ACACA: variants seen among roughly 807,000 people sequenced by gnomAD.
ACACA encodes acetyl-CoA carboxylase 1.
Under a neutral mutation model 296.1 loss-of-function variants are expected in ACACA, and 103 were observed. The ratio of observed to expected loss-of-function variants is 0.35; its 90% CI spans 0.30 to 0.41. ACACA has a LOEUF of 0.41. Among genes scored for constraint, ACACA ranks in the 10% least tolerant of loss-of-function variants. The pLI is 1.00. For missense variants in ACACA, 1,554 were observed against 2,989.7 expected (o/e 0.52, Z 11.20); for synonymous variants, 953 against 1,038.6 (o/e 0.92, Z 1.58).
chr17:37,291,929 T>C (rs1320272454), intron 3 of ACACA, among the ~76,000 whole-genome samples: 1 of 152,150 alleles, frequency 6.6e-6, no homozygotes, highest in Non-Finnish European at 1.5e-5. Context: ...ATTTTTTTTT[T>C]CATTGAAACT....
At chr17:37,400,740 C>CTGTG (rs71135716) in intron 1 of ACACA, among the ~76,000 whole-genome samples, 34,185 of 147,470 alleles carry the variant, frequency 0.23, 3,868 homozygotes, top group Middle Eastern at 0.33. Flanking sequence ...GTGTGTGTGT[C>CTGTG]TGTGTGTGTG....
In ACACA at chr17:37,113,707, A is replaced by ATT. The variant is rs1217579939; in HGVS notation, c.6275-443_6275-442insAA. Among the ~76,000 whole-genome samples, 1 of 152,216 alleles carries ATT rather than the reference A, an allele frequency of 6.6e-6. No individual in the cohort carries two copies. Among genetic ancestry groups the ATT allele is most frequent in the Non-Finnish European group, 1.5e-5 (1 of 68,040 alleles). ...ATGCTTAGCATAGGATGAGCTCTTC[A>ATT]AATGTGCACCTAATGGAAATTGATC... On this transcript the variant is annotated intron_variant, in intron 50 of 55. Transcript: ENST00000616317. This position sits in a 1 kb window ranked among gnomAD's most constrained non-coding sequence, Gnocchi z 4.0.
In ACACA at chr17:37,086,880, C is replaced by T. The variant is rs1256445205; in HGVS notation, c.*436G>A. On this transcript the variant is annotated 3_prime_UTR_variant, in exon 56 of 56. Coordinates refer to ENST00000616317, the MANE Select transcript of ACACA (RefSeq NM_198834.3). ...GCTTCCTCCTCTCCTTAGCCCTCCT[C>T]TGCTGCCTGTGGCTGCGGCTCATGG... 3.6e-6 allele frequency: 1 copy of T among 276,142 alleles called. No homozygotes were observed. The highest frequency in any genetic ancestry group is 7.1e-6 in the Non-Finnish European group (1 of 140,396). The allele number at this position is 276,142 out of a possible 1,614,324, so 17.1% of individuals were successfully genotyped here.
Position 37,123,442 on chromosome 17 carries a change from G to A in ACACA, c.6042-815C>T, listed in dbSNP as rs146224970. ...CATAAAGATTTTCTAGGAAAAATCAGAGAGCAAGACAAAGTACAGGGTGAG... is the reference window on the plus strand; with the variant it reads ...CATAAAGATTTTCTAGGAAAAATCAAAGAGCAAGACAAAGTACAGGGTGAG... On this transcript the variant is annotated intron_variant, in intron 48 of 55. Coordinates refer to ENST00000616317, the MANE Select transcript of ACACA (RefSeq NM_198834.3). 3.5e-3 allele frequency among the ~76,000 whole-genome samples: 540 copies of A among 152,300 alleles called. 3 individuals are homozygous for A. The highest frequency in any genetic ancestry group is 0.012 in the African/African-American group (510 of 41,556).
intron 3 of ACACA, among the ~76,000 whole-genome samples, chr17:37,319,596 G>A (rs1255774324): frequency 6.6e-6 from 1 of 152,066 alleles, no homozygotes; most frequent in Non-Finnish European, 1.5e-5. Context: ...GTCAAAGTGG[G>A]AGGACCACTT....
At chr17:37,305,879 C>T (rs968010500) in intron 3 of ACACA, among the ~76,000 whole-genome samples, 5 of 147,648 alleles carry the variant, frequency 3.4e-5, no homozygotes, top group African/African-American at 9.8e-5. Flanking sequence ...TACTGTTTTA[C>T]GGAATTTTAG....
intron 2 of ACACA, among the ~76,000 whole-genome samples, chr17:37,333,797 C>G (rs1280232674): frequency 2.0e-5 from 3 of 148,644 alleles, no homozygotes; most frequent in African/African-American, 7.5e-5. Flanking sequence ...AGGCCACTAC[C>G]CAAGAGAAGA....
intron 29 of ACACA, among the ~76,000 whole-genome samples, chr17:37,212,077 G>C (rs563597539): frequency 1.8e-4 from 27 of 152,210 alleles, no homozygotes; most frequent in Non-Finnish European, 3.1e-4. Context: ...AAAGAAAGGG[G>C]CCGCCTGCAC....
At chr17:37,345,325 T>C (rs1180394226) in intron 1 of ACACA, 1 of 152,310 alleles carries the variant, frequency 6.6e-6, no homozygotes, top group African/African-American at 2.4e-5. Context: ...GTGCTGGGAT[T>C]ATAGGTGTGA....
At chr17:37,128,043 A>AAAC (rs1383056293) in intron 47 of ACACA, among the ~76,000 whole-genome samples, 1 of 149,098 alleles carries the variant, frequency 6.7e-6, no homozygotes, top group South Asian at 2.1e-4. Context: ...AAAAAAAAAA[A>AAAC]AAAAAAAAAA....
intron 24 of ACACA, among the ~76,000 whole-genome samples, chr17:37,239,941 T>C (rs984336607): frequency 1.3e-5 from 2 of 152,236 alleles, no homozygotes; most frequent in Non-Finnish European, 2.9e-5. Flanking sequence ...TAAACAGCTT[T>C]AAAATTTTAG....
intron 45 of ACACA, among the ~76,000 whole-genome samples, chr17:37,139,987 A>G (rs949778268): frequency 6.6e-6 from 1 of 152,230 alleles, no homozygotes; most frequent in African/African-American, 2.4e-5. Context: ...CTGTCTTTAA[A>G]GAGTGATCAG....
At chr17:37,162,951 G>C (rs1012901657) in intron 41 of ACACA, 2 of 153,810 alleles carry the variant, frequency 1.3e-5, no homozygotes, top group Admixed American at 6.6e-5. Context: ...GTGAGACATG[G>C]GCACCTGGCA....
chr17:37,235,808 G>A (rs2080083782), intron 24 of ACACA, among the ~76,000 whole-genome samples: 1 of 152,126 alleles, frequency 6.6e-6, no homozygotes, highest in Non-Finnish European at 1.5e-5. Context: ...GGTCTGTAGG[G>A]AGACTAAAGT....
At chr17:37,212,966 C>T (rs557783915) in intron 29 of ACACA, among the ~76,000 whole-genome samples, 1 of 150,742 alleles carries the variant, frequency 6.6e-6, no homozygotes, top group Non-Finnish European at 1.5e-5. Context: ...TCAAATATTC[C>T]ATTTATGTAG....
intron 2 of ACACA, among the ~76,000 whole-genome samples, chr17:37,337,586 T>C (rs937141350): frequency 2.0e-5 from 3 of 151,970 alleles, no homozygotes; most frequent in East Asian, 2.0e-4. Flanking sequence ...CCAAAATAGC[T>C]GGGACTACAG....
At chr17:37,160,513 A>T (rs921568471) in intron 42 of ACACA, among the ~76,000 whole-genome samples, 1 of 152,084 alleles carries the variant, frequency 6.6e-6, no homozygotes, top group African/African-American at 2.4e-5. Flanking sequence ...TTGAGGGGAG[A>T]GATGTGAAAC....
intron 45 of ACACA, among the ~76,000 whole-genome samples, chr17:37,148,432 T>C (rs1337891543): frequency 1.3e-5 from 2 of 152,182 alleles, no homozygotes; most frequent in South Asian, 2.1e-4. Context: ...AGAGTTCATA[T>C]GAATGCACAG....
intron 52 of ACACA, among the ~76,000 whole-genome samples, chr17:37,107,749 A>G (rs1331220999): frequency 1.3e-5 from 2 of 152,232 alleles, no homozygotes; most frequent in African/African-American, 4.8e-5. Flanking sequence ...ATTTTGAGAG[A>G]GAGGGACAGT....
Sources: gnomAD v4.1 joint callset for allele counts (sites outside exome capture counted in the v4.1 genomes callset) on GRCh38, gnomAD v4.1.1 for gene constraint, Gnocchi (gnomAD v3.1) non-coding constraint, MANE v1.5 for transcripts, NCBI Gene and HGNC (gene_info 2026-07-23, HGNC 2026-07-21) for gene names.